NCKAP5: variants seen among roughly 807,000 people sequenced by gnomAD.
The protein encoded by NCKAP5 is NCK associated protein 5.
A neutral mutation model predicts 167.0 loss-of-function variants in NCKAP5; 92 were observed. That is an observed-to-expected ratio of 0.55 (90% confidence interval 0.47 to 0.66). The LOEUF (loss-of-function observed/expected upper bound fraction) is 0.66, where lower values mean the gene tolerates loss of function less well. Ranked by LOEUF, NCKAP5 falls within the 30% of genes least tolerant of loss-of-function variation. The pLI, the probability that NCKAP5 is intolerant of heterozygous loss-of-function variation, is 0.00. For synonymous variants in NCKAP5, 891 were observed against 877.4 expected (o/e 1.02, Z -0.27); for missense variants, 2,378 against 2,315.0 (o/e 1.03, Z -0.56).
intron 19 of NCKAP5, among the ~76,000 whole-genome samples, chr2:132,706,498 C>T (rs1688373158): frequency 6.6e-6 from 1 of 152,130 alleles, no homozygotes; most frequent in Non-Finnish European, 1.5e-5. Context: ...GCCTTGAGCT[C>T]AGGTTATTTG....
chr2:132,728,876 G>T lies in NCKAP5; in HGVS notation c.5520C>A (p.Asp1840Glu). The T allele has an allele frequency of 1.2e-6, 2 of 1,613,930 alleles. No homozygotes were observed. Among genetic ancestry groups the T allele is most frequent in the South Asian group, 1.1e-5 (1 of 91,080 alleles). Residue 1840 changes from aspartate (D) to glutamate (E), a missense_variant, in exon 18 of 20, where the codon GAC becomes GAA. Asp to Glu is a conservative substitution (Grantham distance 45, BLOSUM62 2). Coordinates refer to ENST00000409261, the MANE Select transcript of NCKAP5 (RefSeq NM_207363.3). ...QTCSSFGYAEDPMASQPLPDW... is the reference protein window; with the variant it reads ...QTCSSFGYAEEPMASQPLPDW... ...CTGGAAGCGGCTGGCTTGCCATTGG[G>T]TCTTCAGCATATCCGAATGATGAGC...
At position 133,369,797 on chromosome 2, in the gene NCKAP5, G is replaced by A. The variant is rs543431796; in HGVS notation, c.70-66687C>T. ...TTTATTTGTGCGAGAAAAAAGAGAG[G>A]TTATAAATATAGAAAATGGATGAAA... On this transcript the variant is annotated intron_variant, in intron 3 of 19. Coordinates refer to ENST00000409261, the MANE Select transcript of NCKAP5 (RefSeq NM_207363.3). Among the ~76,000 whole-genome samples the A allele has an allele frequency of 5.3e-5, 8 of 152,312 alleles. No homozygotes were observed. In the South Asian group the frequency reaches 8.3e-4, roughly 16 times the overall value.
intron 2 of NCKAP5, among the ~76,000 whole-genome samples, chr2:133,532,760 C>T (rs1044446407): frequency 6.6e-6 from 1 of 152,186 alleles, no homozygotes; most frequent in Admixed American, 6.5e-5. Context: ...ATTTCACCCC[C>T]TTCACTATGA....
chr2:132,927,376 AT>A (rs57951894), intron 8 of NCKAP5, among the ~76,000 whole-genome samples: 4 of 151,112 alleles, frequency 2.6e-5, no homozygotes, highest in Non-Finnish European at 4.4e-5. Context: ...TACTTTTAGG[AT>A]TTTTTTTTCC....
At chr2:133,604,551 G>A in the NCKAP5 span, among the ~76,000 whole-genome samples, 1 of 152,030 alleles carries the variant, frequency 6.6e-6, no homozygotes, top group Admixed American at 6.6e-5. Flanking sequence ...GAATTCTACT[G>A]TTTATTCTCT....
In NCKAP5 at chr2:133,526,215, G is replaced by A. The variant is rs1368272564; in HGVS notation, c.-61-8628C>T. Among the ~76,000 whole-genome samples, 137 of 134,188 alleles carry A rather than the reference G, an allele frequency of 1.0e-3. 4 individuals carry two copies. Among genetic ancestry groups the A allele is most frequent in the Admixed American group, 9.5e-3 (115 of 12,084 alleles). The allele number at this position is 134,188 out of a possible 152,430, so 88.0% of individuals were successfully genotyped here. A position where few individuals can be genotyped will look rare whatever the true frequency, so the allele number is the denominator to read the frequency against. On this transcript the variant is annotated intron_variant, in intron 2 of 19. Coordinates refer to ENST00000409261, the MANE Select transcript of NCKAP5 (RefSeq NM_207363.3). Reference sequence around the variant, plus strand: ...AGGAAGGAAGGAAGGAAGGAAGGAAGGAAGGAAGGAAGAAAGGAAAGGAGG... The same window carrying A: ...AGGAAGGAAGGAAGGAAGGAAGGAAAGAAGGAAGGAAGAAAGGAAAGGAGG...
chr2:133,290,651 G>C (rs537763964), intron 4 of NCKAP5, among the ~76,000 whole-genome samples: 10 of 149,304 alleles, frequency 6.7e-5, no homozygotes, highest in South Asian at 6.4e-4. Context: ...ATGCTTGCTT[G>C]ACTTTTTTTC....
intron 2 of NCKAP5, among the ~76,000 whole-genome samples, chr2:133,539,256 T>C (rs1017771357): frequency 3.3e-5 from 5 of 151,918 alleles, no homozygotes; most frequent in Admixed American, 2.0e-4. Flanking sequence ...TTTTATATTA[T>C]AGAATAGATG....
chr2:133,178,974 T>C (rs2084610718), intron 5 of NCKAP5, among the ~76,000 whole-genome samples: 1 of 151,986 alleles, frequency 6.6e-6, no homozygotes, highest in African/African-American at 2.4e-5. Context: ...AAAACCAGCC[T>C]GCGTAACATA....
At chr2:133,170,504 G>A (rs1418530884) in intron 5 of NCKAP5, among the ~76,000 whole-genome samples, 1 of 152,184 alleles carries the variant, frequency 6.6e-6, no homozygotes, top group Non-Finnish European at 1.5e-5. Context: ...TGCAATGACT[G>A]TAACGAAGTA....
intron 4 of NCKAP5, among the ~76,000 whole-genome samples, chr2:133,264,531 T>C (rs2089085279): frequency 6.6e-6 from 1 of 152,206 alleles, no homozygotes; most frequent in Admixed American, 6.5e-5. Context: ...GTGCCCAACA[T>C]ATGGGAGCCT....
chr2:133,468,924 T>C (rs1299546844), intron 3 of NCKAP5, among the ~76,000 whole-genome samples: 2 of 152,214 alleles, frequency 1.3e-5, no homozygotes, highest in Non-Finnish European at 2.9e-5. Flanking sequence ...AAGATGGGTT[T>C]CCTGAATACA....
chr2:132,827,575 A>G (rs184271243), intron 11 of NCKAP5, among the ~76,000 whole-genome samples: 11 of 152,336 alleles, frequency 7.2e-5, no homozygotes, highest in East Asian at 5.8e-4. Context: ...GGTGGATAGC[A>G]TTATTAGCCA....
chr2:132,986,985 C>T (rs1050519517), intron 7 of NCKAP5, among the ~76,000 whole-genome samples: 2 of 152,176 alleles, frequency 1.3e-5, no homozygotes, highest in African/African-American at 4.8e-5. Context: ...ACAGGCTGGA[C>T]AGGTGATCGA....
chr2:133,360,375 C>T (rs972928816), intron 3 of NCKAP5, among the ~76,000 whole-genome samples: 2 of 152,128 alleles, frequency 1.3e-5, no homozygotes, highest in African/African-American at 2.4e-5. Context: ...AACTAAATTA[C>T]CAATCATTTC....
chr2:132,820,234 TG>T (rs1686606364), intron 11 of NCKAP5, among the ~76,000 whole-genome samples: 1 of 144,460 alleles, frequency 6.9e-6, no homozygotes, highest in Non-Finnish European at 1.6e-5. Flanking sequence ...GTTTTGTTTT[TG>T]TTTTTTTTTT....
the NCKAP5 span, among the ~76,000 whole-genome samples, chr2:133,634,375 G>A: frequency 3.3e-5 from 5 of 152,082 alleles, no homozygotes; most frequent in African/African-American, 7.2e-5. Flanking sequence ...TCCAGAATGC[G>A]TGTCTCCCAG....
intron 4 of NCKAP5, among the ~76,000 whole-genome samples, chr2:133,227,538 C>T (rs996882609): frequency 6.6e-6 from 1 of 152,160 alleles, no homozygotes; most frequent in Non-Finnish European, 1.5e-5. Flanking sequence ...CATAACCAAG[C>T]CTTCACTAAC....
chr2:133,090,245 G>GAC (rs1174321438), intron 6 of NCKAP5, among the ~76,000 whole-genome samples: 3 of 151,046 alleles, frequency 2.0e-5, no homozygotes, highest in African/African-American at 7.3e-5. Flanking sequence ...TCTAACCCCA[G>GAC]AACTCTTTGC....
Sources: gnomAD v4.1 joint callset for allele counts (sites outside exome capture counted in the v4.1 genomes callset) on GRCh38, gnomAD v4.1.1 for gene constraint, MANE v1.5 for transcripts, NCBI Gene and HGNC (gene_info 2026-07-23, HGNC 2026-07-21) for gene names.